The following MUTYH variants were observed in gnomAD, a reference collection of about 807,000 sequenced individuals.
MUTYH encodes adenine DNA glycosylase.
In MUTYH, 64 loss-of-function variants were observed where a neutral mutation model predicts 72.9. The observed-to-expected ratio is 0.88, with a 90% CI of 0.72 to 1.08. The LOEUF is 1.08. Ranked by LOEUF, MUTYH falls within the 50% of genes least tolerant of loss-of-function variation. The probability of loss-of-function intolerance (pLI) is 0.00; values close to 1 mark genes in which losing one functional copy is unlikely to be tolerated. For synonymous variants in MUTYH, 234 were observed against 263.1 expected, an observed-to-expected ratio of 0.89 and a Z score of 1.07; for missense variants, 633 against 671.0, an observed-to-expected ratio of 0.94 and a Z score of 0.63.
At chr1:45,338,911 G>A (rs1646435223) in intron 1 of MUTYH, among the ~76,000 whole-genome samples, 1 of 151,810 alleles carries the variant, frequency 6.6e-6, no homozygotes, top group South Asian at 2.1e-4. Context: ...CTACAGGTGC[G>A]CACCACCATG....
Position 45,331,849 on chromosome 1 carries a change from G to T in MUTYH, c.914C>A (p.Ala305Asp). 2 of 1,600,714 alleles carry T rather than the reference G, an allele frequency of 1.2e-6. No homozygotes were observed. The highest frequency in any genetic ancestry group is 1.7e-4 in the Middle Eastern group (1 of 5,772). Residue 305 changes from alanine to aspartate, a missense_variant and splice_region_variant, in exon 12 of 16, where the codon GCT becomes GAT. By Grantham distance (126) the Ala-to-Asp change is moderately radical. Coordinates refer to ENST00000456914, the MANE Select transcript of MUTYH (RefSeq NM_001048174.2). ...LSGSPDVEEC[A>D]PNTGQCHLCL... ...CAGGTGGCACTGTCCAGTGTTGGGA[G>T]CTGGGAACGGAGATCCCCGAACCCT...
intron 1 of MUTYH, 100 bp from the exon 2 acceptor site, chr1:45,334,611 A>T (rs1396773855): frequency 6.5e-7 from 1 of 1,534,582 alleles, no homozygotes; most frequent in African/African-American, 1.4e-5. Context: ...CACCATTCAC[A>T]TGGGGTCCAG....
intron 11 of MUTYH, 74 bp from the exon 12 acceptor site, chr1:45,331,923 C>CCGGGTTCTGCAGAATCTTACTCA (rs1553127168): frequency 1.2e-6 from 2 of 1,610,932 alleles, no homozygotes; most frequent in African/African-American, 2.7e-5. Context: ...TGGGCTTTGG[C>CCGGGTTCTGCAGAATCTTACTCA]CGGGTTCTGC....
intron 1 of MUTYH, among the ~76,000 whole-genome samples, chr1:45,335,745 A>G (rs1012157286): frequency 1.3e-5 from 2 of 152,050 alleles, no homozygotes; most frequent in Non-Finnish European, 2.9e-5. Context: ...CAGGAGGCAG[A>G]GCTTGCAGTG....
intron 5 of MUTYH, 44 bp downstream of exon 5, chr1:45,333,053 C>G: frequency 6.2e-7 from 1 of 1,612,400 alleles, no homozygotes. Flanking sequence ...AGGCTCTCAT[C>G]TGGGGTCTGA....
intron 15 of MUTYH, chr1:45,330,147 C>A: frequency 5.3e-6 from 1 of 190,456 alleles, no homozygotes; most frequent in South Asian, 1.1e-4. Context: ...GCAGGAGAAT[C>A]GCTTTAATCC....
At chr1:45,335,240 CT>C (rs1645705216) in intron 1 of MUTYH, among the ~76,000 whole-genome samples, 1 of 152,174 alleles carries the variant, frequency 6.6e-6, no homozygotes, top group South Asian at 2.1e-4. Context: ...TCTCAATCTC[CT>C]GGTGACTCTA....
Position 45,333,360 on chromosome 1 carries a change from A to AG in MUTYH, c.265-37dup, listed in dbSNP as rs771490200. The AG allele has an allele frequency of 3.7e-6, 6 of 1,614,060 alleles. No homozygotes were observed. The highest frequency in any genetic ancestry group is 5.1e-6 in the Non-Finnish European group (6 of 1,179,920). ...AACCCCAGATGAGGAGTTAGGGTGGAGGGGGCTGGGTGCCTGCCTCCCACC... is the reference window on the plus strand; with the variant it reads ...AACCCCAGATGAGGAGTTAGGGTGGAGGGGGGCTGGGTGCCTGCCTCCCACC... On this transcript the variant is annotated intron_variant, in intron 3 of 15. Coordinates refer to ENST00000456914, the MANE Select transcript of MUTYH (RefSeq NM_001048174.2).
chr1:45,329,957 G>A, intron 15 of MUTYH: 1 of 163,518 alleles, frequency 6.1e-6, no homozygotes, highest in Non-Finnish European at 1.3e-5. Flanking sequence ...CCATGGATGG[G>A]TGTGGTGGCT....
At chr1:45,339,205 ATT>A (rs60609540) in intron 1 of MUTYH, among the ~76,000 whole-genome samples, 22 of 118,194 alleles carry the variant, frequency 1.9e-4, no homozygotes, top group African/African-American at 4.8e-4. Flanking sequence ...TCCAATAGGA[ATT>A]TTTTTTTTTT....
intron 15 of MUTYH, 60 bp downstream of exon 15, chr1:45,330,456 C>T: frequency 6.5e-7 from 1 of 1,542,116 alleles, no homozygotes; most frequent in Non-Finnish European, 8.9e-7. Context: ...AGTTAACTGA[C>T]TAAAAACCTA....
intron 14 of MUTYH, 30 bp from the exon 15 acceptor site, chr1:45,330,587 G>A (rs537390726): frequency 2.5e-6 from 4 of 1,599,100 alleles, no homozygotes; most frequent in African/African-American, 2.7e-5. Flanking sequence ...GGTGAGGGCT[G>A]GCACTTTTTG....
At chr1:45,332,988 A>G (rs763264503) in intron 5 of MUTYH, 29 bp from the exon 6 acceptor site, 15 of 1,613,940 alleles carry the variant, frequency 9.3e-6, no homozygotes, top group Middle Eastern at 1.6e-4. Context: ...AGAAAGAGAC[A>G]AGGTCAAGGG....
At chr1:45,332,142 C>T (rs1309395210) in intron 10 of MUTYH, 24 bp downstream of exon 10, 4 of 1,614,116 alleles carry the variant, frequency 2.5e-6, no homozygotes, top group Non-Finnish European at 2.5e-6. Context: ...GGACTTCTCA[C>T]TGCCCCTTCC....
At chr1:45,330,453 TGACTAAAAACCTATG>T in intron 15 of MUTYH, 48 bp downstream of exon 15, 1 of 1,527,226 alleles carries the variant, frequency 6.5e-7, no homozygotes. Flanking sequence ...GTTAGTTAAC[TGACTAAAAACCTATG>T]GACTCAGGCC....
chr1:45,332,883 T>A (rs3219487), intron 6 of MUTYH, 35 bp downstream of exon 6: 1 of 1,613,988 alleles, frequency 6.2e-7, no homozygotes, highest in African/African-American at 1.3e-5. Flanking sequence ...GTCCCTCTAT[T>A]GTTCCTATTT....
rs185903358 is a variant in MUTYH at position 45,334,151 on chromosome 1, C to A, written c.115+240G>T. Reference sequence around the variant, plus strand: ...CTTCCCGAGTAGCTGGGACTACAGACGCTCACCACCACGCGAGCATAGAGA... The same window carrying A: ...CTTCCCGAGTAGCTGGGACTACAGAAGCTCACCACCACGCGAGCATAGAGA... On this transcript the variant is annotated intron_variant, in intron 2 of 15. Coordinates refer to ENST00000456914, the MANE Select transcript of MUTYH (RefSeq NM_001048174.2). 215 of 478,792 alleles carry A rather than the reference C, an allele frequency of 4.5e-4. 2 individuals carry two copies. The highest frequency in any genetic ancestry group is 3.6e-3 in the African/African-American group (185 of 51,104). 29.7% of individuals were successfully genotyped at this position (478,792 alleles called of 1,614,324 possible). A position where few individuals can be genotyped will look rare whatever the true frequency, so the allele number is the denominator to read the frequency against.
At position 45,331,173 on chromosome 1, in the gene MUTYH, A is replaced by C. The variant is rs997411700; in HGVS notation, c.1392+9T>G. On this transcript the variant is annotated intron_variant, in intron 14 of 15. Transcript: ENST00000456914. Reference sequence around the variant, plus strand: ...CAAGGAAGTACAACAAAGACAACAAAGGTAGTGCCTTTTTCATGGCGGTGG... The same window carrying C: ...CAAGGAAGTACAACAAAGACAACAACGGTAGTGCCTTTTTCATGGCGGTGG... 4 of 1,614,036 alleles carry C rather than the reference A, an allele frequency of 2.5e-6. No homozygotes were observed.
chr1:45,332,239 GC>G lies in MUTYH; in HGVS notation c.775del (p.Ala259ProfsTer32), dbSNP rs761468459. ...TGGGCGCTGTGGGGTACACACTGTG[GC>G]CCCTAGCTCCATGGCTGCTTGGTTG... The part of the protein sequence containing the change: ...DFNQAAMELG[A>X]TVCTPQRPLC... On this transcript the variant is annotated frameshift_variant, in exon 10 of 16. Transcript: ENST00000456914. LOFTEE classifies it high-confidence loss of function. The G allele has an allele frequency of 3.1e-6, 5 of 1,614,138 alleles. No individual in the cohort carries two copies. In the South Asian group the frequency reaches 3.3e-5, roughly 11 times the overall value.
Sources: gnomAD v4.1 joint callset for allele counts (sites outside exome capture counted in the v4.1 genomes callset) on GRCh38, gnomAD v4.1.1 for gene constraint, MANE v1.5 for transcripts, NCBI Gene and HGNC (gene_info 2026-07-23, HGNC 2026-07-21) for gene names.